MICAL3: variants seen among roughly 807,000 people sequenced by gnomAD.
MICAL3 encodes microtubule associated monooxygenase, calponin and LIM domain containing 3, also known as [F-actin]-monooxygenase MICAL3.
In MICAL3, 62 loss-of-function variants were observed where a neutral mutation model predicts 207.4. The ratio of observed to expected loss-of-function variants is 0.30; its 90% CI spans 0.24 to 0.37. The LOEUF is 0.37. Ranked by LOEUF, MICAL3 falls within the 10% of genes least tolerant of loss-of-function variation. The pLI is 1.00. For synonymous variants in MICAL3, 1,077 were observed against 1,069.3 expected (o/e 1.01, Z -0.14); for missense variants, 2,368 against 2,635.6 (o/e 0.90, Z 2.22).
intron 22 of MICAL3, among the ~76,000 whole-genome samples, chr22:17,824,217 C>T (rs1190360385): frequency 6.6e-6 from 1 of 152,184 alleles, no homozygotes; most frequent in East Asian, 1.9e-4. Context: ...CCTGCGGGCT[C>T]TCCTAGGGTT....
intron 16 of MICAL3, among the ~76,000 whole-genome samples, chr22:17,877,457 T>TATGGAGGTTAGGGAGGTG (rs1569110551): frequency 1.4e-5 from 1 of 70,020 alleles, no homozygotes; most frequent in South Asian, 4.6e-4. Context: ...TTATGGAGGT[T>TATGGAGGTTAGGGAGGTG]AGGGAGATTA....
intron 1 of MICAL3, among the ~76,000 whole-genome samples, chr22:18,016,451 G>T (rs982672029): frequency 1.3e-5 from 2 of 151,968 alleles, no homozygotes; most frequent in Non-Finnish European, 2.9e-5. Context: ...AACAACTATA[G>T]ACAGGTCACT....
At chr22:17,987,151 G>A (rs1921114760) in intron 1 of MICAL3, among the ~76,000 whole-genome samples, 2 of 152,154 alleles carry the variant, frequency 1.3e-5, no homozygotes, top group Admixed American at 1.3e-4. Flanking sequence ...TGAAGAAGGA[G>A]GATTGCTTGA....
intron 27 of MICAL3, 40 bp downstream of exon 27, chr22:17,816,650 G>A (rs775430716): frequency 3.4e-6 from 5 of 1,469,152 alleles, no homozygotes; most frequent in Non-Finnish European, 4.7e-6. Context: ...TGAACAGACA[G>A]GGCCCCAGGC....
chr22:17,962,664 G>A (rs189603865), intron 1 of MICAL3, among the ~76,000 whole-genome samples: 23 of 128,096 alleles, frequency 1.8e-4, no homozygotes, highest in African/African-American at 6.5e-4. Flanking sequence ...CACTAACTAT[G>A]GCAGGTGTAG....
intron 12 of MICAL3, among the ~76,000 whole-genome samples, chr22:17,890,403 C>A (rs1437090759): frequency 1.3e-5 from 2 of 152,274 alleles, no homozygotes; most frequent in East Asian, 3.9e-4. Flanking sequence ...TGGAACAGAG[C>A]TGACTCACCT....
chr22:17,988,703 G>A (rs566311394), intron 1 of MICAL3, among the ~76,000 whole-genome samples: 21 of 152,130 alleles, frequency 1.4e-4, no homozygotes, highest in Non-Finnish European at 2.2e-4. Context: ...TAATCCACCC[G>A]CCTCAGCCTC....
At chr22:17,855,302 C>T (rs1925776664) in intron 19 of MICAL3, among the ~76,000 whole-genome samples, 1 of 152,218 alleles carries the variant, frequency 6.6e-6, no homozygotes. Flanking sequence ...CCTAACCCTA[C>T]AGAGGCCCAG....
At position 17,906,841 on chromosome 22, in the gene MICAL3, G is replaced by C. The variant is rs376582078; in HGVS notation, c.-29C>G. 1.6e-5 allele frequency: 24 copies of C among 1,545,292 alleles called. No homozygotes were observed. The African/African-American group carries it at 2.2e-4, about 14-fold the overall frequency. On this transcript the variant is annotated 5_prime_UTR_variant, in exon 2 of 32. Coordinates refer to ENST00000441493, the MANE Select transcript of MICAL3 (RefSeq NM_015241.3). Reference sequence around the variant, plus strand: ...GCCTCACTCTCAGCACTCCCCAGAGGGGGAGGTGGGATGGCTGTGGGTCCA... The same window carrying C: ...GCCTCACTCTCAGCACTCCCCAGAGCGGGAGGTGGGATGGCTGTGGGTCCA...
At chr22:17,987,173 C>A (rs1280712927) in intron 1 of MICAL3, among the ~76,000 whole-genome samples, 1 of 151,942 alleles carries the variant, frequency 6.6e-6, no homozygotes, top group East Asian at 1.9e-4. Flanking sequence ...CCCAGGAGTT[C>A]CAGGCTGCAG....
At chr22:17,879,450 T>G in intron 16 of MICAL3, 3 of 1,513,212 alleles carry the variant, frequency 2.0e-6, no homozygotes, top group Non-Finnish European at 2.7e-6. Context: ...ATCGCTCTAT[T>G]TGGACCTACT....
chr22:17,836,248 C>T (rs548694895), intron 20 of MICAL3, among the ~76,000 whole-genome samples: 2 of 152,350 alleles, frequency 1.3e-5, no homozygotes, highest in East Asian at 3.9e-4. Flanking sequence ...CCGAGGATGA[C>T]AGTGATTGAC....
rs188758996 is a variant in MICAL3 at position 17,974,543 on chromosome 22, G to A, written c.-75+49738C>T. 4.0e-3 allele frequency among the ~76,000 whole-genome samples: 607 copies of A among 152,166 alleles called. 9 individuals carry two copies. The highest frequency in any genetic ancestry group is 0.014 in the African/African-American group (577 of 41,502). ...CGTTCCAGACCAGCCTGGCCAACATGGCAAAACCTTGTCTCTACTAAAAAT... is the reference window on the plus strand; with the variant it reads ...CGTTCCAGACCAGCCTGGCCAACATAGCAAAACCTTGTCTCTACTAAAAAT... On this transcript the variant is annotated intron_variant, in intron 1 of 31. Coordinates refer to ENST00000441493, the MANE Select transcript of MICAL3 (RefSeq NM_015241.3).
intron 29 of MICAL3, among the ~76,000 whole-genome samples, chr22:17,801,142 CTTTTT>C (rs2061933358): frequency 9.0e-6 from 1 of 111,590 alleles, no homozygotes; most frequent in Non-Finnish European, 1.7e-5. Context: ...CCTGAGTTTC[CTTTTT>C]CTTTTTTTTT....
intron 29 of MICAL3, among the ~76,000 whole-genome samples, chr22:17,795,183 A>G (rs2061862191): frequency 6.6e-6 from 1 of 152,260 alleles, no homozygotes; most frequent in African/African-American, 2.4e-5. Flanking sequence ...TGTGCTAAGC[A>G]CACACGGCAC....
chr22:17,791,549 C>G, intron 29 of MICAL3: 1 of 551,826 alleles, frequency 1.8e-6, no homozygotes, highest in African/African-American at 1.9e-5. Context: ...ACCTTGCCCT[C>G]CCCGGGGCTG....
intron 3 of MICAL3, among the ~76,000 whole-genome samples, chr22:17,903,456 T>C (rs953067065): frequency 6.6e-6 from 1 of 152,200 alleles, no homozygotes; most frequent in African/African-American, 2.4e-5. Context: ...AACCCTAAGA[T>C]GAATCTTGCC....
intron 1 of MICAL3, among the ~76,000 whole-genome samples, chr22:17,922,971 T>C (rs1932834118): frequency 1.3e-5 from 2 of 152,112 alleles, no homozygotes; most frequent in Admixed American, 1.3e-4. Flanking sequence ...GTATGGGACT[T>C]AGGCATGATT....
intron 1 of MICAL3, among the ~76,000 whole-genome samples, chr22:18,008,872 A>G (rs1281386945): frequency 6.6e-6 from 1 of 151,482 alleles, no homozygotes; most frequent in Non-Finnish European, 1.5e-5. Context: ...GAGGAGTTTG[A>G]GGCTGAGCAC....
Sources: allele counts gnomAD v4.1 joint callset (sites outside exome capture counted in the v4.1 genomes callset), GRCh38; gene constraint gnomAD v4.1.1; transcripts MANE v1.5; gene names NCBI Gene and HGNC (gene_info 2026-07-23, HGNC 2026-07-21).